The following MAT2B variants were observed in gnomAD, a reference collection of about 807,000 sequenced individuals.
MAT2B encodes the protein methionine adenosyltransferase 2 non-catalytic beta subunit.
MAT2B carries 16 observed loss-of-function variants against 36.1 expected under a neutral mutation model. The observed-to-expected ratio is 0.44, with a 90% CI of 0.30 to 0.67. MAT2B has a LOEUF of 0.67. Ranked by LOEUF, MAT2B falls within the 30% of genes least tolerant of loss-of-function variation. The pLI, the probability that MAT2B is intolerant of heterozygous loss-of-function variation, is 0.09. For synonymous variants in MAT2B, 148 were observed against 136.9 expected (o/e 1.08, Z -0.57); for missense variants, 332 against 398.2 (o/e 0.83, Z 1.42).
Position 163,513,779 on chromosome 5 carries a change from C to G in MAT2B, c.374-63C>G, listed in dbSNP as rs1760087927. The G allele has an allele frequency of 1.9e-6, 3 of 1,541,650 alleles. No individual in the cohort carries two copies. In the South Asian group the frequency reaches 3.5e-5, roughly 18 times the overall value. On this transcript the variant is annotated intron_variant, in intron 3 of 6. Coordinates refer to ENST00000321757, the MANE Select transcript of MAT2B (RefSeq NM_013283.5). ...TTTTTATATATCATGAAAAACCATT[C>G]TAAATTCCATGAAAGAGTAATGTCA...
intron 5 of MAT2B, 187 bp from the exon 6 acceptor site, chr5:163,517,374 C>T (rs1760149232): frequency 8.6e-6 from 3 of 349,580 alleles, no homozygotes; most frequent in East Asian, 4.3e-5. Context: ...CTAGAAATTG[C>T]TCTTTTAAGT....
intron 5 of MAT2B, 126 bp from the exon 6 acceptor site, chr5:163,517,435 C>T: frequency 1.9e-6 from 1 of 522,428 alleles, no homozygotes; most frequent in East Asian, 2.9e-5. Flanking sequence ...CTTGTGGAGA[C>T]CTTTCCAGAA....
rs1270371144 is a variant in MAT2B, at chr5:163,510,394, C to CTTTTT, written c.64-1594_64-1590dup. On this transcript the variant is annotated intron_variant, in intron 1 of 6. Coordinates refer to ENST00000321757, the MANE Select transcript of MAT2B (RefSeq NM_013283.5). ...TATCCTTTGCGTTTATTAGTTTTAG[C>CTTTTT]TTTTTTTTTTTTTTTTTTGAGATGT... is the stretch of plus-strand genomic sequence containing the variant. Among the ~76,000 whole-genome samples the CTTTTT allele has an allele frequency of 3.1e-4, 38 of 121,748 alleles. 3 individuals are homozygous for CTTTTT. The highest frequency in any genetic ancestry group is 8.6e-4 in the African/African-American group (26 of 30,188). 79.9% of individuals were successfully genotyped at this position (121,748 alleles called of 152,430 possible).
In MAT2B at chr5:163,518,642, T is replaced by G. The variant is rs1760171706; in HGVS notation, c.*279T>G. The stretch of plus-strand genomic sequence containing the variant: ...ATCCTTAAATATTTGAGAGTCAGGA[T>G]GAAGCAGATCTGCTGTAGACTTTTC... On this transcript the variant is annotated 3_prime_UTR_variant, in exon 7 of 7. Transcript: ENST00000321757. 1 of 231,726 alleles carries G rather than the reference T, an allele frequency of 4.3e-6. No homozygotes were observed. The highest frequency in any genetic ancestry group is 8.3e-6 in the Non-Finnish European group (1 of 120,286). 14.4% of individuals were successfully genotyped at this position (231,726 alleles called of 1,614,324 possible).
At chr5:163,503,550 C>T (rs978261003), upstream of MAT2B, 11 of 897,950 alleles carry the variant, frequency 1.2e-5, no homozygotes, top group Non-Finnish European at 2.0e-5. Flanking sequence ...TCATTCATTT[C>T]CTTAAAACAT....
intron 1 of MAT2B, among the ~76,000 whole-genome samples, chr5:163,511,312 A>G (rs1175091496): frequency 1.3e-5 from 2 of 151,632 alleles, no homozygotes; most frequent in African/African-American, 4.8e-5. Flanking sequence ...TGTCCCCCAG[A>G]CTGGAGTGCA....
intron 5 of MAT2B, 123 bp downstream of exon 5, chr5:163,516,834 G>T: frequency 1.1e-6 from 1 of 871,216 alleles, no homozygotes. Context: ...TTAAAACTAG[G>T]AGACCAAACA....
chr5:163,513,131 T>G, intron 2 of MAT2B: 3 of 172,650 alleles, frequency 1.7e-5, no homozygotes, highest in Non-Finnish European at 3.8e-5. Context: ...AACTACAGGC[T>G]CATGCCACCA....
chr5:163,507,773 A>G (rs1000324252), intron 1 of MAT2B, among the ~76,000 whole-genome samples: 6 of 152,234 alleles, frequency 3.9e-5, no homozygotes, highest in African/African-American at 7.2e-5. Context: ...AAGGCAGAGT[A>G]TTGCTTATAT....
Position 163,505,650 on chromosome 5 carries a change from TGGC to T in MAT2B, c.-33_-31del, listed in dbSNP as rs1759918426. The stretch of plus-strand genomic sequence containing the variant: ...CGCGTCGATCCTGGGTTGGAGGAGG[TGGC>T]GGCCGCTGAGGCTGCGGCGTGAAGA... On this transcript the variant is annotated 5_prime_UTR_variant, in exon 1 of 7. Coordinates refer to ENST00000321757, the MANE Select transcript of MAT2B (RefSeq NM_013283.5). 1 of 1,261,462 alleles carries T rather than the reference TGGC, an allele frequency of 7.9e-7. No individual in the cohort carries two copies. The highest frequency in any genetic ancestry group is 1.5e-5 in the African/African-American group (1 of 64,974). The allele number at this position is 1,261,462 out of a possible 1,614,324, so 78.1% of individuals were successfully genotyped here. A position where few individuals can be genotyped will look rare whatever the true frequency, so the allele number is the denominator to read the frequency against.
intron 6 of MAT2B, 46 bp downstream of exon 6, chr5:163,517,720 A>G (rs1186288497): frequency 8.6e-7 from 1 of 1,161,112 alleles, no homozygotes; most frequent in African/African-American, 1.5e-5. Context: ...GCTATGGTAT[A>G]TATTATTGCT....
chr5:163,516,656 C>T lies in MAT2B; in HGVS notation c.665C>T (p.Thr222Ile). 1 of 1,614,182 alleles carries T rather than the reference C, an allele frequency of 6.2e-7. No individual in the cohort carries two copies. Among genetic ancestry groups the T allele is most frequent in the Non-Finnish European group, 8.5e-7 (1 of 1,180,038 alleles). ...NMDHWQQRFPTHVKDVATVCR... is the reference protein window; with the variant it reads ...NMDHWQQRFPIHVKDVATVCR... ...GATCACTGGCAGCAGAGGTTCCCCA[C>T]ACATGTCAAAGATGTGGCCACTGTG... Residue 222 changes from threonine to isoleucine, a missense_variant, in exon 5 of 7, where the codon ACA becomes ATA. Thr to Ile is a moderately conservative substitution (Grantham distance 89). Coordinates refer to ENST00000321757, the MANE Select transcript of MAT2B (RefSeq NM_013283.5).
intron 2 of MAT2B, 128 bp from the exon 3 acceptor site, chr5:163,513,427 C>T (rs1760081249): frequency 1.7e-6 from 1 of 578,024 alleles, no homozygotes; most frequent in Admixed American, 3.1e-5. Context: ...TTAGAAATTA[C>T]AATGATTTAT....
At chr5:163,517,402 A>G (rs4869089) in intron 5 of MAT2B, 159 bp from the exon 6 acceptor site, 201,846 of 443,972 alleles carry the variant, frequency 0.45, 50,661 homozygotes, top group East Asian at 0.76. Flanking sequence ...TAAGAGTATT[A>G]GTAGGAATTT....
At chr5:163,507,660 T>C (rs1759968623) in intron 1 of MAT2B, among the ~76,000 whole-genome samples, 1 of 152,270 alleles carries the variant, frequency 6.6e-6, no homozygotes, top group South Asian at 2.1e-4. Flanking sequence ...TTCTTCCTTG[T>C]GCACAACTAA....
upstream of MAT2B, among the ~76,000 whole-genome samples, chr5:163,504,105 C>A (rs928634283): frequency 3.9e-5 from 6 of 152,162 alleles, no homozygotes; most frequent in African/African-American, 1.4e-4. Context: ...AATTAATTTT[C>A]TTTTCTCCCA....
In MAT2B at chr5:163,505,664, G is replaced by A; in HGVS notation, c.-23G>A. On this transcript the variant is annotated 5_prime_UTR_variant, in exon 1 of 7. Transcript: ENST00000321757. Reference sequence around the variant, plus strand: ...GTTGGAGGAGGTGGCGGCCGCTGAGGCTGCGGCGTGAAGACGGCGGGCATG... The same window carrying A: ...GTTGGAGGAGGTGGCGGCCGCTGAGACTGCGGCGTGAAGACGGCGGGCATG... The A allele has an allele frequency of 7.8e-7, 1 of 1,275,230 alleles. No homozygotes were observed. Among genetic ancestry groups the A allele is most frequent in the Non-Finnish European group, 1.0e-6 (1 of 1,003,432 alleles). 79.0% of individuals were successfully genotyped at this position (1,275,230 alleles called of 1,614,324 possible).
chr5:163,516,652 C>T lies in MAT2B; in HGVS notation c.661C>T (p.Pro221Ser), dbSNP rs1760138235. ...CATGGATCACTGGCAGCAGAGGTTC[C>T]CCACACATGTCAAAGATGTGGCCAC... is the stretch of plus-strand genomic sequence containing the variant. ...ANMDHWQQRF[P>S]THVKDVATVC... Residue 221 changes from proline (P) to serine (S), a missense_variant, in exon 5 of 7, where the codon CCC becomes TCC. By Grantham distance (74) the Pro-to-Ser change is moderately conservative. Coordinates refer to ENST00000321757, the MANE Select transcript of MAT2B (RefSeq NM_013283.5). 1 of 1,614,010 alleles carries T rather than the reference C, an allele frequency of 6.2e-7. No individual in the cohort carries two copies. The highest frequency in any genetic ancestry group is 1.3e-5 in the African/African-American group (1 of 74,904).
intron 5 of MAT2B, 22 bp from the exon 6 acceptor site, chr5:163,517,539 T>A (rs1760151935): frequency 1.4e-6 from 2 of 1,416,636 alleles, no homozygotes; most frequent in Non-Finnish European, 2.0e-6. Context: ...AACTATTGAA[T>A]TTATTGTGTC....
Sources: gnomAD v4.1 joint callset for allele counts (sites outside exome capture counted in the v4.1 genomes callset) on GRCh38, gnomAD v4.1.1 for gene constraint, MANE v1.5 for transcripts, NCBI Gene and HGNC (gene_info 2026-07-23, HGNC 2026-07-21) for gene names.